The following RGS7BP variants were observed in gnomAD, a reference collection of about 807,000 sequenced individuals.
The protein encoded by RGS7BP is regulator of G protein signaling 7 binding protein.
A neutral mutation model predicts 31.3 loss-of-function variants in RGS7BP; 9 were observed. The ratio of observed to expected loss-of-function variants is 0.29; its 90% confidence interval spans 0.17 to 0.50. The LOEUF is 0.50. Among genes scored for constraint, RGS7BP ranks in the 20% least tolerant of loss-of-function variants. RGS7BP has a pLI of 0.98. For synonymous variants in RGS7BP, 115 were observed against 120.1 expected (o/e 0.96, Z 0.28); for missense variants, 274 against 322.0 (o/e 0.85, Z 1.14).
intron 2 of RGS7BP, among the ~76,000 whole-genome samples, chr5:64,570,331 T>C (rs895963769): frequency 6.6e-6 from 1 of 152,138 alleles, no homozygotes; most frequent in Admixed American, 6.6e-5. Flanking sequence ...ATACTTCATA[T>C]AGGTGTTATT....
chr5:64,562,309 G>A (rs1243687724), intron 2 of RGS7BP, among the ~76,000 whole-genome samples: 1 of 152,106 alleles, frequency 6.6e-6, no homozygotes, highest in Non-Finnish European at 1.5e-5. Flanking sequence ...TAGGCATAAT[G>A]TACAGAATTG....
At chr5:64,552,320 AT>A (rs1212324180) in intron 2 of RGS7BP, among the ~76,000 whole-genome samples, 1 of 152,024 alleles carries the variant, frequency 6.6e-6, no homozygotes, top group Non-Finnish European at 1.5e-5. Flanking sequence ...AATTCTGATT[AT>A]TTTTTCCAAA....
rs546245751 is a variant in RGS7BP, at chr5:64,608,102, C to G, written c.683-1059C>G. Among the ~76,000 whole-genome samples the G allele has an allele frequency of 5.9e-5, 9 of 152,148 alleles. 1 individual carries two copies. Among genetic ancestry groups the G allele is most frequent in the African/African-American group, 2.2e-4 (9 of 41,542 alleles). ...ACTCTGGAAGGAAAGTGCAACTAGT[C>G]TTGGCGGAGCTTAGGTACGTAACAG... On this transcript the variant is annotated intron_variant, in intron 5 of 5. Coordinates refer to ENST00000334025, the MANE Select transcript of RGS7BP (RefSeq NM_001029875.3).
chr5:64,506,503 C>T lies in RGS7BP; in HGVS notation c.-122C>T. The T allele has an allele frequency of 1.3e-6, 1 of 799,102 alleles. No homozygotes were observed. Among genetic ancestry groups the T allele is most frequent in the Non-Finnish European group, 2.0e-6 (1 of 511,510 alleles). The allele number at this position is 799,102 out of a possible 1,614,324, so 49.5% of individuals were successfully genotyped here. ...CCGACCCGCGCAGCCAGCCCCAGCA[C>T]TGTGAGCTGCGCGCCTCAGGTCCGG... On this transcript the variant is annotated 5_prime_UTR_variant, in exon 1 of 6. Coordinates refer to ENST00000334025, the MANE Select transcript of RGS7BP (RefSeq NM_001029875.3). The surrounding 1 kb of genome is among the most constrained non-coding windows in gnomAD (Gnocchi z 4.6).
At chr5:64,529,163 A>C (rs1489348684) in intron 2 of RGS7BP, among the ~76,000 whole-genome samples, 2 of 152,208 alleles carry the variant, frequency 1.3e-5, no homozygotes, top group African/African-American at 2.4e-5. Flanking sequence ...ATACCAAAAA[A>C]AGAGAATTAT....
At chr5:64,546,110 C>T (rs979704032) in intron 2 of RGS7BP, among the ~76,000 whole-genome samples, 5 of 152,028 alleles carry the variant, frequency 3.3e-5, no homozygotes, top group Non-Finnish European at 5.9e-5. Flanking sequence ...GCCAAGATCA[C>T]GCCACTGCAC....
intron 2 of RGS7BP, among the ~76,000 whole-genome samples, chr5:64,527,660 T>A (rs1240202681): frequency 8.7e-6 from 1 of 115,570 alleles, no homozygotes; most frequent in Non-Finnish European, 1.9e-5. Flanking sequence ...GTTCTAAATA[T>A]CCAACAGAGG....
intron 2 of RGS7BP, among the ~76,000 whole-genome samples, chr5:64,508,379 T>C (rs942242209): frequency 3.3e-5 from 5 of 152,226 alleles, no homozygotes; most frequent in African/African-American, 1.2e-4. Context: ...CTCTCTTCAC[T>C]GTGGTGATAG....
chr5:64,548,513 AT>A (rs1741713440), intron 2 of RGS7BP, among the ~76,000 whole-genome samples: 1 of 151,934 alleles, frequency 6.6e-6, no homozygotes, highest in Non-Finnish European at 1.5e-5. Flanking sequence ...TCTCTTTTTT[AT>A]TTTTTTACTT....
At chr5:64,595,227 A>C (rs1375993568) in intron 4 of RGS7BP, among the ~76,000 whole-genome samples, 1 of 152,198 alleles carries the variant, frequency 6.6e-6, no homozygotes, top group Non-Finnish European at 1.5e-5. Flanking sequence ...GCTGGTACCC[A>C]AAATTCCCAT....
At chr5:64,580,523 A>C (rs879289138) in intron 3 of RGS7BP, among the ~76,000 whole-genome samples, 21 of 151,996 alleles carry the variant, frequency 1.4e-4, no homozygotes, top group Non-Finnish European at 2.5e-4. Flanking sequence ...AGGAGAAAGC[A>C]TGGATCAAGA....
At chr5:64,577,162 G>A (rs1261187287) in intron 3 of RGS7BP, among the ~76,000 whole-genome samples, 1 of 152,234 alleles carries the variant, frequency 6.6e-6, no homozygotes, top group Non-Finnish European at 1.5e-5. Context: ...ATCTTGGCCA[G>A]GCACGGTGGC....
intron 2 of RGS7BP, among the ~76,000 whole-genome samples, chr5:64,516,732 G>C (rs1748985920): frequency 6.6e-6 from 1 of 152,166 alleles, no homozygotes; most frequent in African/African-American, 2.4e-5. Context: ...GCATCTCCCA[G>C]GAGATTGTTG....
chr5:64,511,390 T>C (rs940247757), intron 2 of RGS7BP, among the ~76,000 whole-genome samples: 2 of 152,212 alleles, frequency 1.3e-5, no homozygotes, highest in Non-Finnish European at 2.9e-5. Context: ...TAAAGTTATG[T>C]CTTTACAACT....
chr5:64,530,832 T>C (rs1487333363), intron 2 of RGS7BP, among the ~76,000 whole-genome samples: 3 of 152,082 alleles, frequency 2.0e-5, no homozygotes, highest in Non-Finnish European at 4.4e-5. Context: ...ATTGGAATCA[T>C]TATTCCAAAT....
At chr5:64,594,944 C>T (rs1294938597) in intron 4 of RGS7BP, 87 bp downstream of exon 4, 1 of 1,401,106 alleles carries the variant, frequency 7.1e-7, no homozygotes. Context: ...TTTTCTAGTT[C>T]AGATTCAGAA....
intron 4 of RGS7BP, among the ~76,000 whole-genome samples, chr5:64,597,755 G>A (rs765920738): frequency 4.6e-5 from 7 of 151,904 alleles, no homozygotes; most frequent in Admixed American, 6.6e-5. Flanking sequence ...AGAAGGGTGG[G>A]AAGGTGTGGG....
intron 3 of RGS7BP, among the ~76,000 whole-genome samples, chr5:64,579,876 C>G (rs1309415643): frequency 6.6e-6 from 1 of 152,062 alleles, no homozygotes; most frequent in Non-Finnish European, 1.5e-5. Context: ...TATATTAATA[C>G]TTTGGACTCC....
rs551017342 is a variant in RGS7BP at position 64,565,785 on chromosome 5, G to A, written c.333-9989G>A. The stretch of plus-strand genomic sequence containing the variant: ...AGTGAAGAAACTCATGGTGGAAGAT[G>A]ATATTTTCCATGTATATAGATACTG... On this transcript the variant is annotated intron_variant, in intron 2 of 5. Coordinates refer to ENST00000334025, the MANE Select transcript of RGS7BP (RefSeq NM_001029875.3). 3.7e-4 allele frequency among the ~76,000 whole-genome samples: 57 copies of A among 152,196 alleles called. 1 individual carries two copies. Among genetic ancestry groups the A allele is most frequent in the Admixed American group, 2.5e-3 (38 of 15,270 alleles).
Sources: allele counts gnomAD v4.1 joint callset (sites outside exome capture counted in the v4.1 genomes callset), GRCh38; gene constraint gnomAD v4.1.1; non-coding constraint Gnocchi (gnomAD v3.1); transcripts MANE v1.5; gene names NCBI Gene and HGNC (gene_info 2026-07-23, HGNC 2026-07-21).